ROCK1: variants seen among roughly 807,000 people sequenced by gnomAD.
ROCK1 encodes the protein Rho associated coiled-coil containing protein kinase 1.
ROCK1 carries 36 observed loss-of-function variants against 196.8 expected under a neutral mutation model. That is an observed-to-expected ratio of 0.18 (90% CI 0.14 to 0.24). The LOEUF (loss-of-function observed/expected upper bound fraction) is 0.24, where lower values mean the gene tolerates loss of function less well. Among genes scored for constraint, ROCK1 ranks in the 10% least tolerant of loss-of-function variants. The pLI is 1.00. For synonymous variants in ROCK1, 443 were observed against 515.9 expected, an observed-to-expected ratio of 0.86 and a Z score of 1.91; for missense variants, 920 against 1,562.0, an observed-to-expected ratio of 0.59 and a Z score of 6.93.
rs1189696357 is a variant in ROCK1, at chr18:20,961,452, G to A, written c.3353-1246C>T. Among the ~76,000 whole-genome samples, 8 of 151,904 alleles carry A rather than the reference G, an allele frequency of 5.3e-5. No individual in the cohort carries two copies. The East Asian group carries it at 1.4e-3, about 26-fold the overall frequency. ...CCATGAATACAGGATATTATATTCC[G>A]AGGAATTCGGAAAAGGTTCTACTGT... On this transcript the variant is annotated intron_variant, in intron 27 of 32. Transcript: ENST00000399799.
chr18:20,966,757 C>G (rs113272842), intron 27 of ROCK1, among the ~76,000 whole-genome samples, 160 bp downstream of exon 27: 1 of 152,072 alleles, frequency 6.6e-6, no homozygotes, highest in East Asian at 1.9e-4. Flanking sequence ...CAAAATACAC[C>G]AAGTGTATAA....
At chr18:20,986,158 G>A (rs546466961) in intron 19 of ROCK1, among the ~76,000 whole-genome samples, 1 of 152,234 alleles carries the variant, frequency 6.6e-6, no homozygotes, top group South Asian at 2.1e-4. Flanking sequence ...AACGTGCCTG[G>A]CCACCCATGG....
intron 1 of ROCK1, among the ~76,000 whole-genome samples, chr18:21,104,812 G>A (rs978340366): frequency 1.7e-4 from 26 of 152,144 alleles, no homozygotes; most frequent in African/African-American, 6.0e-4. Flanking sequence ...TTGGCACAAA[G>A]TATATACCAT....
intron 1 of ROCK1, among the ~76,000 whole-genome samples, chr18:21,102,525 G>A (rs2036667749): frequency 6.6e-6 from 1 of 152,126 alleles, no homozygotes; most frequent in African/African-American, 2.4e-5. Context: ...TTTGTCAAAT[G>A]AATGAATGAA....
intron 6 of ROCK1, among the ~76,000 whole-genome samples, chr18:21,042,920 T>TACATTA (rs1227549573): frequency 2.2e-4 from 33 of 151,956 alleles, no homozygotes; most frequent in Middle Eastern, 6.8e-3. Flanking sequence ...TACCATATAA[T>TACATTA]GTATGTATGT....
intron 2 of ROCK1, among the ~76,000 whole-genome samples, chr18:21,062,683 T>C (rs1265444788): frequency 6.6e-6 from 1 of 152,098 alleles, no homozygotes; most frequent in East Asian, 1.9e-4. Context: ...AACTTACTAG[T>C]GGAGAAGCTT....
chr18:20,998,881 T>C (rs1305910214), intron 16 of ROCK1, among the ~76,000 whole-genome samples: 1 of 152,008 alleles, frequency 6.6e-6, no homozygotes, highest in Non-Finnish European at 1.5e-5. Context: ...AGTGCTGGGA[T>C]TACAATCGTG....
chr18:21,080,102 G>A (rs555177307), intron 1 of ROCK1, among the ~76,000 whole-genome samples: 131 of 152,008 alleles, frequency 8.6e-4, no homozygotes, highest in African/African-American at 2.7e-3. Context: ...TTTCTAATTC[G>A]ACTCGAGACG....
intron 8 of ROCK1, among the ~76,000 whole-genome samples, chr18:21,041,675 T>C (rs1276037125): frequency 1.3e-5 from 2 of 152,130 alleles, no homozygotes; most frequent in Non-Finnish European, 2.9e-5. Flanking sequence ...AAATCTAAAA[T>C]GGTTTAAAGT....
chr18:21,085,652 G>C (rs983022550), intron 1 of ROCK1, among the ~76,000 whole-genome samples: 4 of 152,156 alleles, frequency 2.6e-5, no homozygotes, highest in African/African-American at 9.7e-5. Context: ...AAGATACCAA[G>C]TTAAGACATT....
rs1205961668 is a variant in ROCK1, at chr18:21,019,565, G to A, written c.1361+586C>T. 5.9e-5 allele frequency among the ~76,000 whole-genome samples: 9 copies of A among 151,886 alleles called. No individual in the cohort carries two copies. The East Asian group carries it at 1.2e-3, about 20-fold the overall frequency. On this transcript the variant is annotated intron_variant, in intron 12 of 32. Coordinates refer to ENST00000399799, the MANE Select transcript of ROCK1 (RefSeq NM_005406.3). Reference sequence around the variant, plus strand: ...TCCCAGCACTTTTGGAGGCCGAGGCGGGCAGATCACGAGGTCAGGAGATCG... The same window carrying A: ...TCCCAGCACTTTTGGAGGCCGAGGCAGGCAGATCACGAGGTCAGGAGATCG...
intron 4 of ROCK1, among the ~76,000 whole-genome samples, chr18:21,046,022 T>TA (rs1303852150): frequency 4.1e-5 from 6 of 145,524 alleles, no homozygotes; most frequent in African/African-American, 1.5e-4. Context: ...GCCATTCTCC[T>TA]ACCTCAGCCT....
At position 20,964,664 on chromosome 18, in the gene ROCK1, T is replaced by G. The variant is rs186773643; in HGVS notation, c.3352+2253A>C. Among the ~76,000 whole-genome samples, 34 of 152,332 alleles carry G rather than the reference T, an allele frequency of 2.2e-4. No individual in the cohort carries two copies. The East Asian group carries it at 6.6e-3, about 29-fold the overall frequency. On this transcript the variant is annotated intron_variant, in intron 27 of 32. Transcript: ENST00000399799. ...CCAGTACTCCCCGCCCCACTTGGTTTGGACTTTGATAACCTTAAAAACAAA... is the reference window on the plus strand; with the variant it reads ...CCAGTACTCCCCGCCCCACTTGGTTGGGACTTTGATAACCTTAAAAACAAA...
chr18:21,044,774 T>C (rs1285071582), intron 5 of ROCK1, among the ~76,000 whole-genome samples: 15 of 152,240 alleles, frequency 9.9e-5, no homozygotes, highest in Admixed American at 2.0e-4. Context: ...TTAAAGGCTA[T>C]ATGATCAGAT....
intron 22 of ROCK1, among the ~76,000 whole-genome samples, 178 bp downstream of exon 22, chr18:20,979,732 G>GC (rs2035513284): frequency 6.6e-6 from 1 of 152,102 alleles, no homozygotes; most frequent in Non-Finnish European, 1.5e-5. Context: ...TTGATTTATA[G>GC]CACTGTTTTT....
chr18:21,100,196 T>G (rs772282894), intron 1 of ROCK1, among the ~76,000 whole-genome samples: 17 of 148,000 alleles, frequency 1.1e-4, no homozygotes, highest in Non-Finnish European at 1.8e-4. Context: ...TGACAAGAAG[T>G]TGGTGAAATA....
At chr18:20,981,366 G>A (rs1013343599) in intron 21 of ROCK1, among the ~76,000 whole-genome samples, 3 of 152,092 alleles carry the variant, frequency 2.0e-5, no homozygotes, top group African/African-American at 7.2e-5. Context: ...TTGCTCTCCA[G>A]CCTGGGCAAG....
intron 22 of ROCK1, among the ~76,000 whole-genome samples, chr18:20,972,334 G>C (rs1244984791): frequency 6.6e-6 from 1 of 152,154 alleles, no homozygotes; most frequent in Non-Finnish European, 1.5e-5. Flanking sequence ...CAGTTCGCAA[G>C]GTCAGGGAAT....
chr18:21,038,044 T>C (rs1478886411), intron 9 of ROCK1, among the ~76,000 whole-genome samples: 2 of 152,184 alleles, frequency 1.3e-5, no homozygotes, highest in African/African-American at 4.8e-5. Context: ...TACAAAATAT[T>C]ATTTTGTATT....
Sources: allele counts gnomAD v4.1 joint callset (sites outside exome capture counted in the v4.1 genomes callset), GRCh38; gene constraint gnomAD v4.1.1; transcripts MANE v1.5; gene names NCBI Gene and HGNC (gene_info 2026-07-23, HGNC 2026-07-21).